HDAC5: variants seen among roughly 807,000 people sequenced by gnomAD.
HDAC5 encodes histone deacetylase 5, also known as antigen NY-CO-9.
A neutral mutation model predicts 133.3 loss-of-function variants in HDAC5; 25 were observed. That is an observed-to-expected ratio of 0.19 (90% CI 0.14 to 0.26). HDAC5 has a LOEUF of 0.26. Ranked by LOEUF, HDAC5 falls within the 10% of genes least tolerant of loss-of-function variation. The probability of loss-of-function intolerance (pLI) is 1.00; values close to 1 mark genes in which losing one functional copy is unlikely to be tolerated. For synonymous variants in HDAC5, 589 were observed against 610.8 expected, an observed-to-expected ratio of 0.96 and a Z score of 0.53; for missense variants, 1,041 against 1,460.5, an observed-to-expected ratio of 0.71 and a Z score of 4.68.
At chr17:44,091,894 A>T (rs2050969744) in intron 9 of HDAC5, 63 bp from the exon 10 acceptor site, 2 of 1,499,238 alleles carry the variant, frequency 1.3e-6, no homozygotes. Context: ...AAGGGAGGGC[A>T]ACCTGGGGCC....
chr17:44,104,927 T>TA (rs930852922), intron 3 of HDAC5, among the ~76,000 whole-genome samples: 11 of 152,006 alleles, frequency 7.2e-5, no homozygotes, highest in African/African-American at 9.7e-5. Flanking sequence ...CAGAGACCCT[T>TA]AGAGTGTCAG....
chr17:44,093,007 G>A (rs909029890), intron 6 of HDAC5, 85 bp downstream of exon 6: 48 of 970,782 alleles, frequency 4.9e-5, no homozygotes, highest in African/African-American at 4.9e-4. Flanking sequence ...ATATGGGCAC[G>A]GGGAAGAAGC....
At chr17:44,119,775 G>A (rs977748110) in intron 1 of HDAC5, among the ~76,000 whole-genome samples, 3 of 152,174 alleles carry the variant, frequency 2.0e-5, no homozygotes, top group Non-Finnish European at 2.9e-5. Flanking sequence ...GGGAGAAGGG[G>A]AGCCTGATGT....
intron 3 of HDAC5, among the ~76,000 whole-genome samples, chr17:44,101,211 C>T (rs2143434606): frequency 6.6e-6 from 1 of 151,154 alleles, no homozygotes; most frequent in Admixed American, 6.6e-5. Context: ...CAAGACCACC[C>T]TGGCTAACAC....
At chr17:44,089,797 G>A (rs1273600737) in intron 11 of HDAC5, among the ~76,000 whole-genome samples, 4 of 137,490 alleles carry the variant, frequency 2.9e-5, no homozygotes, top group African/African-American at 8.0e-5. Context: ...GGTGGCACAC[G>A]CCTGTAGTCT....
chr17:44,095,127 C>T (rs2051187425), intron 3 of HDAC5, among the ~76,000 whole-genome samples: 1 of 152,170 alleles, frequency 6.6e-6, no homozygotes, highest in African/African-American at 2.4e-5. Context: ...TAGTCAACAT[C>T]TCTGGGCATT....
chr17:44,116,448 G>C (rs1408549693), intron 2 of HDAC5, among the ~76,000 whole-genome samples: 6 of 152,164 alleles, frequency 3.9e-5, no homozygotes, highest in Non-Finnish European at 5.9e-5. Flanking sequence ...AGGATGATGG[G>C]GAAGAAAATG....
At chr17:44,109,922 C>T (rs965304230) in intron 3 of HDAC5, among the ~76,000 whole-genome samples, 13 of 152,240 alleles carry the variant, frequency 8.5e-5, no homozygotes, top group Non-Finnish European at 1.8e-4. Flanking sequence ...GCCAGGAAGG[C>T]TTGATGCTGC....
chr17:44,105,768 CTCCCAGGAG>C (rs2051897626), intron 3 of HDAC5, among the ~76,000 whole-genome samples: 1 of 152,178 alleles, frequency 6.6e-6, no homozygotes, highest in Admixed American at 6.5e-5. Flanking sequence ...ATAGGCCCTT[CTCCCAGGAG>C]TCCCAAGACC....
intron 3 of HDAC5, among the ~76,000 whole-genome samples, chr17:44,104,884 T>C (rs1033114859): frequency 2.6e-5 from 4 of 152,086 alleles, no homozygotes; most frequent in Non-Finnish European, 5.9e-5. Context: ...AAGCCCCTCT[T>C]CCCACAAAGC....
chr17:44,123,176 G>A (rs2053116782), intron 1 of HDAC5: 1 of 219,384 alleles, frequency 4.6e-6, no homozygotes. Flanking sequence ...CGCCAGGGAA[G>A]GGGCAAATCA....
intron 3 of HDAC5, among the ~76,000 whole-genome samples, chr17:44,103,602 C>G (rs1021196279): frequency 2.0e-5 from 3 of 152,092 alleles, no homozygotes; most frequent in African/African-American, 7.2e-5. Flanking sequence ...CTGGGAAGAT[C>G]AAGAGGTGCG....
intron 24 of HDAC5, 22 bp downstream of exon 24, chr17:44,079,122 C>T: frequency 6.2e-7 from 1 of 1,604,210 alleles, no homozygotes; most frequent in Non-Finnish European, 8.5e-7. Flanking sequence ...CTGCCACCTC[C>T]CAGCTCCTTC....
Position 44,078,365 on chromosome 17 carries a change from G to A in HDAC5, c.*11C>T. 6.6e-7 allele frequency: 1 copy of A among 1,524,302 alleles called. No individual in the cohort carries two copies. The highest frequency in any genetic ancestry group is 8.8e-7 in the Non-Finnish European group (1 of 1,139,026). The allele number at this position is 1,524,302 out of a possible 1,614,324, so 94.4% of individuals were successfully genotyped here. On this transcript the variant is annotated 3_prime_UTR_variant, in exon 27 of 27. Coordinates refer to ENST00000682912, the MANE Select transcript of HDAC5 (RefSeq NM_005474.5). ...ACAATGGTGAAGCCCAGAGGGATGG[G>A]GGCCGGGGCGTCACAGGGCAGGCTC... is the stretch of plus-strand genomic sequence containing the variant.
Position 44,083,620 on chromosome 17 carries a change from G to C in HDAC5, c.2388C>G (p.His796Gln). 2.5e-6 allele frequency: 4 copies of C among 1,614,162 alleles called. 1 individual carries two copies. The South Asian group carries it at 4.4e-5, about 18-fold the overall frequency. ...VDSDTVWNEMHSSSAVRMAVG... is the reference protein window; with the variant it reads ...VDSDTVWNEMQSSSAVRMAVG... ...CTGCCATGCGCACAGCACTGGAGGA[G>C]TGCATCTCATTCCACACGGTGTCAC... The change falls in exon 18 of 27, where the codon CAC (histidine) becomes CAG (glutamine). Residue 796 changes from histidine to glutamine, a missense_variant. His to Gln is a conservative substitution (Grantham distance 24). Around this residue, in one of 9 missense-constraint regions of HDAC5, gnomAD observed 174 missense variants for 352.7 expected, o/e 0.49. Transcript: ENST00000682912.
At chr17:44,080,972 G>A in intron 20 of HDAC5, 90 bp from the exon 21 acceptor site, 2 of 1,546,888 alleles carry the variant, frequency 1.3e-6, no homozygotes, top group Non-Finnish European at 1.8e-6. Flanking sequence ...TGTAGCTCAT[G>A]CCTGTAATCC....
rs181411498 is a variant in HDAC5, at chr17:44,077,848, C to A, written c.*528G>T. On this transcript the variant is annotated 3_prime_UTR_variant, in exon 27 of 27. Coordinates refer to ENST00000682912, the MANE Select transcript of HDAC5 (RefSeq NM_005474.5). Reference sequence around the variant, plus strand: ...GAGGGGTCTGCAGAGATGGTGAGGACGAAAGAAGGGGAAAGGGTGGAGAAT... The same window carrying A: ...GAGGGGTCTGCAGAGATGGTGAGGAAGAAAGAAGGGGAAAGGGTGGAGAAT... The A allele has an allele frequency of 8.0e-4, 123 of 153,194 alleles. No homozygotes were observed. Among genetic ancestry groups the A allele is most frequent in the African/African-American group, 2.8e-3 (117 of 41,552 alleles). The allele number at this position is 153,194 out of a possible 1,614,324, so 9.5% of individuals were successfully genotyped here.
chr17:44,080,601 C>A, intron 21 of HDAC5, 103 bp from the exon 22 acceptor site: 1 of 1,473,256 alleles, frequency 6.8e-7, no homozygotes, highest in Non-Finnish European at 9.4e-7. Context: ...CTGACCTCTG[C>A]TCTGCCTGGA....
chr17:44,081,256 T>C (rs1438597417), intron 20 of HDAC5, among the ~76,000 whole-genome samples: 3 of 148,974 alleles, frequency 2.0e-5, no homozygotes, highest in African/African-American at 7.3e-5. Context: ...GATTCTTTCT[T>C]TTTTTTTTTT....
Sources: gnomAD v4.1 joint callset for allele counts (sites outside exome capture counted in the v4.1 genomes callset) on GRCh38, gnomAD v4.1.1 for gene constraint, gnomAD v4.1.1 regional missense constraint, MANE v1.5 for transcripts, NCBI Gene and HGNC (gene_info 2026-07-23, HGNC 2026-07-21) for gene names.